Variants in IFT52 observed in about 807,000 individuals in gnomAD.
IFT52 encodes the protein intraflagellar transport protein 52 homolog.
A neutral mutation model predicts 54.4 loss-of-function variants in IFT52; 44 were observed. The observed-to-expected ratio is 0.81, with a 90% CI of 0.63 to 1.04. The LOEUF is 1.04. Among genes scored for constraint, IFT52 ranks in the 50% least tolerant of loss-of-function variants. IFT52 has a pLI of 0.00. For missense variants in IFT52, 452 were observed against 523.6 expected, an observed-to-expected ratio of 0.86 and a Z score of 1.33; for synonymous variants, 181 against 185.3, an observed-to-expected ratio of 0.98 and a Z score of 0.19.
At chr20:43,634,735 A>G (rs950094162) in intron 10 of IFT52, among the ~76,000 whole-genome samples, 4 of 151,876 alleles carry the variant, frequency 2.6e-5, no homozygotes, top group African/African-American at 9.7e-5. Context: ...AGATTATTTC[A>G]TCACGCATGT....
At chr20:43,627,671 G>C (rs1290355425) in intron 10 of IFT52, among the ~76,000 whole-genome samples, 1 of 152,188 alleles carries the variant, frequency 6.6e-6, no homozygotes, top group African/African-American at 2.4e-5. Flanking sequence ...CGAGGAAAAT[G>C]GCTGGCGTGA....
chr20:43,631,162 A>G (rs566617340), intron 10 of IFT52, among the ~76,000 whole-genome samples: 2 of 152,280 alleles, frequency 1.3e-5, no homozygotes, highest in South Asian at 2.1e-4. Flanking sequence ...CATCTTAACC[A>G]TATGATTTGG....
chr20:43,609,810 G>A (rs937392166), intron 6 of IFT52, among the ~76,000 whole-genome samples: 3 of 143,384 alleles, frequency 2.1e-5, no homozygotes, highest in South Asian at 4.4e-4. Flanking sequence ...TTAGCCTGTC[G>A]TGGTGGTGCA....
chr20:43,638,589 A>G (rs1037606968), intron 12 of IFT52, among the ~76,000 whole-genome samples: 2 of 152,202 alleles, frequency 1.3e-5, no homozygotes, highest in African/African-American at 4.8e-5. Flanking sequence ...TGGGCAACAT[A>G]GCAAGACCCT....
chr20:43,614,131 G>C (rs1232512975), intron 7 of IFT52, among the ~76,000 whole-genome samples, 155 bp downstream of exon 7: 1 of 152,140 alleles, frequency 6.6e-6, no homozygotes, highest in African/African-American at 2.4e-5. Context: ...TTTTGCTTAT[G>C]GGGAAACAGT....
At chr20:43,604,418 CA>C (rs762616607) in intron 5 of IFT52, among the ~76,000 whole-genome samples, 160 bp downstream of exon 5, 1 of 151,654 alleles carries the variant, frequency 6.6e-6, no homozygotes, top group Non-Finnish European at 1.5e-5. Context: ...TCTAAAAATA[CA>C]AAAAAAATTA....
At chr20:43,633,854 A>T (rs1453341475) in intron 10 of IFT52, among the ~76,000 whole-genome samples, 1 of 152,156 alleles carries the variant, frequency 6.6e-6, no homozygotes, top group Admixed American at 6.5e-5. Flanking sequence ...GACAAATCTC[A>T]ATACCAGAAA....
chr20:43,603,897 G>C lies in IFT52; in HGVS notation c.337+8G>C, dbSNP rs750642197. ...GAATCATGGTTAATAATGGTAATTAGTATTATTATTTTCAGTAGAGGCAGT... is the reference window on the plus strand; with the variant it reads ...GAATCATGGTTAATAATGGTAATTACTATTATTATTTTCAGTAGAGGCAGT... On this transcript the variant is annotated splice_region_variant and intron_variant, in intron 4 of 13. Transcript: ENST00000373030. The C allele has an allele frequency of 7.1e-7, 1 of 1,416,470 alleles. No homozygotes were observed. 87.7% of individuals were successfully genotyped at this position (1,416,470 alleles called of 1,614,324 possible).
intron 6 of IFT52, among the ~76,000 whole-genome samples, chr20:43,606,891 A>G (rs1367658139): frequency 6.6e-6 from 1 of 152,212 alleles, no homozygotes; most frequent in East Asian, 1.9e-4. Context: ...TTCAGAGAGC[A>G]CAGGGTTGGG....
rs1448633169 is a variant in IFT52 at position 43,613,914 on chromosome 20, C to CTG, written c.552_553dup (p.Ser185CysfsTer64). On this transcript the variant is annotated frameshift_variant, in exon 7 of 14. Coordinates refer to ENST00000373030, the MANE Select transcript of IFT52 (RefSeq NM_016004.5). LOFTEE classifies it high-confidence loss of function. ...TGTCATGAAACCAGCAGTGGCGGTT[C>CTG]TGTCTACAGGTTCTGTCTGCTTCCC... The CTG allele has an allele frequency of 6.2e-7, 1 of 1,613,854 alleles. No homozygotes were observed. Among genetic ancestry groups the CTG allele is most frequent in the Non-Finnish European group, 8.5e-7 (1 of 1,179,734 alleles).
intron 9 of IFT52, among the ~76,000 whole-genome samples, chr20:43,621,979 G>T (rs965606282): frequency 1.3e-5 from 2 of 152,216 alleles, no homozygotes; most frequent in African/African-American, 4.8e-5. Context: ...CTTCAAGATT[G>T]CAGTGTGTTC....
chr20:43,635,070 A>G (rs1985431224), intron 10 of IFT52, among the ~76,000 whole-genome samples: 2 of 151,870 alleles, frequency 1.3e-5, no homozygotes, highest in Non-Finnish European at 2.9e-5. Flanking sequence ...TGGGAGGCTT[A>G]GGCAGGAGAA....
At chr20:43,596,645 C>G in intron 3 of IFT52, 123 bp downstream of exon 3, 1 of 651,068 alleles carries the variant, frequency 1.5e-6, no homozygotes, top group South Asian at 1.8e-5. Flanking sequence ...CTTCATCTCT[C>G]TTTTCATCAT....
chr20:43,606,443 T>C (rs902500108), intron 6 of IFT52, among the ~76,000 whole-genome samples: 5 of 151,790 alleles, frequency 3.3e-5, no homozygotes, highest in Non-Finnish European at 7.4e-5. Flanking sequence ...CCAGCTAATT[T>C]CTCTATTTTT....
rs560933577 is a variant in IFT52, at chr20:43,615,233, G to A, written c.612+1257G>A. ...AATTTTTGTATTTTAATAGAGATGG[G>A]GATTTACCATGTTGCCCAGGCTGGT... On this transcript the variant is annotated intron_variant, in intron 7 of 13. Coordinates refer to ENST00000373030, the MANE Select transcript of IFT52 (RefSeq NM_016004.5). Among the ~76,000 whole-genome samples, 3 of 151,948 alleles carry A rather than the reference G, an allele frequency of 2.0e-5. No homozygotes were observed. In the South Asian group the frequency reaches 6.3e-4, roughly 32 times the overall value.
chr20:43,604,623 T>C (rs1274621835), intron 5 of IFT52, among the ~76,000 whole-genome samples: 1 of 152,088 alleles, frequency 6.6e-6, no homozygotes. Context: ...TCTCATTTCT[T>C]CTACATAAAT....
intron 1 of IFT52, among the ~76,000 whole-genome samples, chr20:43,592,202 G>T (rs191940559): frequency 6.6e-6 from 1 of 152,204 alleles, no homozygotes; most frequent in South Asian, 2.1e-4. Context: ...TATGGCGCGC[G>T]CCTGTAATCC....
intron 1 of IFT52, among the ~76,000 whole-genome samples, 160 bp downstream of exon 1, chr20:43,591,214 TGGCGCCCCGGCTG>T (rs754294074): frequency 9.2e-5 from 14 of 152,222 alleles, no homozygotes; most frequent in East Asian, 1.9e-4. Context: ...CCCGGGTTCC[TGGCGCCCCGGCTG>T]GGCGCCCATC....
At chr20:43,612,264 C>G (rs990826464) in intron 6 of IFT52, among the ~76,000 whole-genome samples, 1 of 152,056 alleles carries the variant, frequency 6.6e-6, no homozygotes, top group Admixed American at 6.6e-5. Context: ...TGTAATCCAC[C>G]TTGCTGGGAT....
Sources: allele counts gnomAD v4.1 joint callset (sites outside exome capture counted in the v4.1 genomes callset), GRCh38; gene constraint gnomAD v4.1.1; transcripts MANE v1.5; gene names NCBI Gene and HGNC (gene_info 2026-07-23, HGNC 2026-07-21).